AVL9: variants seen among roughly 807,000 people sequenced by gnomAD.
AVL9 encodes the protein late secretory pathway protein AVL9 homolog.
Under a neutral mutation model 79.2 loss-of-function variants are expected in AVL9, and 49 were observed. The observed-to-expected ratio is 0.62, with a 90% CI of 0.49 to 0.79. The LOEUF is 0.79. Ranked by LOEUF, AVL9 falls within the 30% of genes least tolerant of loss-of-function variation. The probability of loss-of-function intolerance (pLI) is 0.00; values close to 1 mark genes in which losing one functional copy is unlikely to be tolerated. For missense variants in AVL9, 682 were observed against 776.8 expected (o/e 0.88, Z 1.45); for synonymous variants, 299 against 280.6 (o/e 1.07, Z -0.65).
At chr7:32,581,338 G>A (rs6961862) in intron 15 of AVL9, 128,778 of 153,650 alleles carry the variant, frequency 0.84, 54,008 homozygotes, top group Middle Eastern at 0.88. Context: ...AAGAAAGAAG[G>A]TACAAATTAC....
intron 1 of AVL9, among the ~76,000 whole-genome samples, chr7:32,527,512 C>A (rs918809310): frequency 6.6e-6 from 1 of 151,364 alleles, no homozygotes; most frequent in African/African-American, 2.4e-5. Context: ...TGTAACTTCG[C>A]CTTTGGTTTT....
chr7:32,522,178 G>C (rs976538593), intron 1 of AVL9, among the ~76,000 whole-genome samples: 1 of 152,218 alleles, frequency 6.6e-6, no homozygotes, highest in Non-Finnish European at 1.5e-5. Context: ...GCACTGCCTA[G>C]TAGAGCTGTG....
chr7:32,540,430 A>C (rs1324024892), intron 1 of AVL9, among the ~76,000 whole-genome samples: 1 of 152,204 alleles, frequency 6.6e-6, no homozygotes, highest in Non-Finnish European at 1.5e-5. Flanking sequence ...CTAAAGGAGC[A>C]TGGGGAAGGC....
intron 10 of AVL9, among the ~76,000 whole-genome samples, chr7:32,566,568 A>G (rs1477483365): frequency 2.8e-3 from 1 of 352 alleles, no homozygotes; most frequent in African/African-American, 0.014. Flanking sequence ...GTTACCTACA[A>G]TCTAGTAGGC....
At chr7:32,500,852 A>G (rs1787098777) in intron 1 of AVL9, among the ~76,000 whole-genome samples, 1 of 152,168 alleles carries the variant, frequency 6.6e-6, no homozygotes, top group Non-Finnish European at 1.5e-5. Flanking sequence ...AGCACCAGTT[A>G]TTAAATAGGG....
At chr7:32,513,057 C>G (rs1787751141) in intron 1 of AVL9, among the ~76,000 whole-genome samples, 2 of 152,158 alleles carry the variant, frequency 1.3e-5, no homozygotes, top group Non-Finnish European at 2.9e-5. Flanking sequence ...GAATCAGCCC[C>G]TTAACCTTTT....
At chr7:32,556,939 C>G (rs533486384) in intron 8 of AVL9, among the ~76,000 whole-genome samples, 2 of 152,064 alleles carry the variant, frequency 1.3e-5, no homozygotes, top group East Asian at 3.9e-4. Flanking sequence ...GCCACCACAC[C>G]CAGTCTGTAT....
At chr7:32,568,680 A>G (rs943680302) in intron 10 of AVL9, among the ~76,000 whole-genome samples, 1 of 152,206 alleles carries the variant, frequency 6.6e-6, no homozygotes, top group Admixed American at 6.5e-5. Context: ...CTGTAGGATA[A>G]ATTACAAGTA....
intron 11 of AVL9, among the ~76,000 whole-genome samples, chr7:32,572,801 C>A (rs1485507135): frequency 4.1e-3 from 378 of 93,324 alleles, no homozygotes; most frequent in East Asian, 6.3e-3. Flanking sequence ...GACTCCGTCT[C>A]AAAAAAAAAA....
chr7:32,551,584 C>G (rs1789821280), intron 5 of AVL9, among the ~76,000 whole-genome samples, 161 bp downstream of exon 5: 1 of 122,866 alleles, frequency 8.1e-6, no homozygotes, highest in African/African-American at 3.1e-5. Flanking sequence ...GGAATCTGCC[C>G]AAATACTAAA....
intron 1 of AVL9, among the ~76,000 whole-genome samples, chr7:32,512,399 G>A (rs1055579639): frequency 1.5e-5 from 2 of 129,282 alleles, no homozygotes; most frequent in Non-Finnish European, 3.3e-5. Context: ...GAGATGTTAC[G>A]TTATTTTATC....
intron 1 of AVL9, among the ~76,000 whole-genome samples, chr7:32,542,429 G>T (rs968810803): frequency 1.3e-5 from 2 of 150,192 alleles, no homozygotes; most frequent in African/African-American, 4.9e-5. Flanking sequence ...GGTGGCACAC[G>T]CCTGTAATCC....
intron 10 of AVL9, among the ~76,000 whole-genome samples, chr7:32,568,645 CATATG>C (rs1035155985): frequency 3.3e-5 from 5 of 152,144 alleles, no homozygotes; most frequent in African/African-American, 1.2e-4. Flanking sequence ...TATAATATCA[CATATG>C]ATATAATATT....
intron 1 of AVL9, among the ~76,000 whole-genome samples, chr7:32,508,769 T>C (rs1194436322): frequency 6.6e-6 from 1 of 152,232 alleles, no homozygotes; most frequent in South Asian, 2.1e-4. Flanking sequence ...TATGCTACTT[T>C]GGTATTAAAG....
At position 32,573,297 on chromosome 7, in the gene AVL9, C is replaced by G; in HGVS notation, c.1449C>G (p.His483Gln). The change falls in exon 12 of 16, where the codon CAC becomes CAG. Residue 483 changes from histidine to glutamine, a missense_variant. By Grantham distance (24) the His-to-Gln change is conservative. Coordinates refer to ENST00000318709, the MANE Select transcript of AVL9 (RefSeq NM_015060.3). The part of the protein sequence containing the change: ...DLRFADYLVR[H>Q]VTENRDDVFL... ...GGTTCGCAGACTACCTAGTGAGGCA[C>G]GTGACTGAGAATCGGGATGACGTCT... 1 of 1,613,826 alleles carries G rather than the reference C, an allele frequency of 6.2e-7. No individual in the cohort carries two copies. Among genetic ancestry groups the G allele is most frequent in the Non-Finnish European group, 8.5e-7 (1 of 1,180,002 alleles).
chr7:32,539,498 A>G (rs1789076998), intron 1 of AVL9, among the ~76,000 whole-genome samples: 1 of 152,184 alleles, frequency 6.6e-6, no homozygotes, highest in South Asian at 2.1e-4. Context: ...ATGCCTTGTG[A>G]CCAACAGTGC....
intron 3 of AVL9, among the ~76,000 whole-genome samples, chr7:32,545,401 T>C (rs541011332): frequency 1.5e-5 from 2 of 131,056 alleles, no homozygotes; most frequent in Non-Finnish European, 3.1e-5. Context: ...AGGAGGAGTC[T>C]CACTCTGTTG....
rs1416627040 is a variant in AVL9, at chr7:32,543,281, A to C, written c.214+20A>C. ...AGGAAGGTATGTAACAAGACAGTGA[A>C]GCAGTTAGGTGCCATTTTTGAAAAA... On this transcript the variant is annotated intron_variant, in intron 2 of 15. Coordinates refer to ENST00000318709, the MANE Select transcript of AVL9 (RefSeq NM_015060.3). 1 of 1,607,830 alleles carries C rather than the reference A, an allele frequency of 6.2e-7. No individual in the cohort carries two copies. Among genetic ancestry groups the C allele is most frequent in the Non-Finnish European group, 8.5e-7 (1 of 1,178,346 alleles).
chr7:32,568,420 C>T (rs932248964), intron 10 of AVL9, among the ~76,000 whole-genome samples: 1 of 151,932 alleles, frequency 6.6e-6, no homozygotes, highest in East Asian at 1.9e-4. Flanking sequence ...AGGCTGGTCT[C>T]GAACTCCTGA....
Sources: allele counts gnomAD v4.1 joint callset (sites outside exome capture counted in the v4.1 genomes callset), GRCh38; gene constraint gnomAD v4.1.1; transcripts MANE v1.5; gene names NCBI Gene and HGNC (gene_info 2026-07-23, HGNC 2026-07-21).